Variants in DGKH observed in about 807,000 individuals in gnomAD.
DGKH encodes diacylglycerol kinase eta, also known as DAG kinase eta.
A neutral mutation model predicts 159.3 loss-of-function variants in DGKH; 90 were observed. The ratio of observed to expected loss-of-function variants is 0.57; its 90% CI spans 0.48 to 0.67. The LOEUF (loss-of-function observed/expected upper bound fraction) is 0.67. Ranked by LOEUF, DGKH falls within the 30% of genes least tolerant of loss-of-function variation. The probability of loss-of-function intolerance (pLI) is 0.00; values close to 1 mark genes in which losing one functional copy is unlikely to be tolerated. For synonymous variants in DGKH, 536 were observed against 553.8 expected, an observed-to-expected ratio of 0.97 and a Z score of 0.45; for missense variants, 1,181 against 1,506.1, an observed-to-expected ratio of 0.78 and a Z score of 3.57.
At chr13:42,185,046 G>A (rs538879806) in intron 13 of DGKH, among the ~76,000 whole-genome samples, 1 of 152,202 alleles carries the variant, frequency 6.6e-6, no homozygotes, top group South Asian at 2.1e-4. Context: ...TATAGTTGGA[G>A]AATATCTTTT....
At chr13:42,128,146 T>A (rs1433672092) in intron 2 of DGKH, among the ~76,000 whole-genome samples, 2 of 152,192 alleles carry the variant, frequency 1.3e-5, no homozygotes, top group African/African-American at 4.8e-5. Context: ...ACAAATCATA[T>A]TGAAATAAAA....
chr13:42,042,346 C>T (rs768933171), intron 1 of DGKH, among the ~76,000 whole-genome samples: 1 of 152,212 alleles, frequency 6.6e-6, no homozygotes, highest in Non-Finnish European at 1.5e-5. Flanking sequence ...CTTTAGGCTG[C>T]TGATGTCGGA....
Position 42,159,259 on chromosome 13 carries a change from T to TTTTTTTTTTC in DGKH, c.623-3_623-2insTTTTTCTTTT. ...AGCAGTTGCTCTTTTTTTTTTTTTT[T>TTTTTTTTTTC]TTTTAGTGTGTAAATTCAAGGCTCA... On this transcript the variant is annotated splice_polypyrimidine_tract_variant and splice_region_variant and intron_variant, in intron 5 of 29. Coordinates refer to ENST00000337343, the MANE Select transcript of DGKH (RefSeq NM_178009.5). 1 of 1,143,462 alleles carries TTTTTTTTTTC rather than the reference T, an allele frequency of 8.7e-7. No homozygotes were observed. Among genetic ancestry groups the TTTTTTTTTTC allele is most frequent in the Non-Finnish European group, 1.2e-6 (1 of 814,122 alleles). The allele number at this position is 1,143,462 out of a possible 1,614,324, so 70.8% of individuals were successfully genotyped here.
intron 3 of DGKH, among the ~76,000 whole-genome samples, chr13:42,143,769 A>G (rs1407372496): frequency 6.6e-6 from 1 of 151,662 alleles, no homozygotes; most frequent in East Asian, 1.9e-4. Flanking sequence ...TTTTTATTGT[A>G]TCTATTTGAT....
At chr13:42,162,928 G>T (rs969411545) in intron 7 of DGKH, among the ~76,000 whole-genome samples, 7 of 150,728 alleles carry the variant, frequency 4.6e-5, no homozygotes, top group African/African-American at 1.2e-4. Context: ...TAGTTACATA[G>T]GTATACATGT....
chr13:42,175,782 A>T (rs570274366), intron 12 of DGKH, among the ~76,000 whole-genome samples: 114 of 152,344 alleles, frequency 7.5e-4, no homozygotes, highest in African/African-American at 2.6e-3. Context: ...CTAGGCCCTG[A>T]ACTAGGCTGG....
At chr13:42,246,943 C>G (rs1958585153), downstream of DGKH, among the ~76,000 whole-genome samples, 1 of 152,076 alleles carries the variant, frequency 6.6e-6, no homozygotes. Context: ...TGCTTTATAA[C>G]TGTTTCAGAT....
chr13:42,192,449 A>G (rs1240422107), intron 16 of DGKH, among the ~76,000 whole-genome samples: 1 of 152,104 alleles, frequency 6.6e-6, no homozygotes, highest in East Asian at 1.9e-4. Context: ...ACTGGCCTTT[A>G]TGTAGTGTTT....
At chr13:42,211,060 A>C (rs147443167) in intron 24 of DGKH, among the ~76,000 whole-genome samples, 1 of 152,230 alleles carries the variant, frequency 6.6e-6, no homozygotes, top group Non-Finnish European at 1.5e-5. Flanking sequence ...GAATAAAAAG[A>C]CTTCAAAAAC....
chr13:42,114,044 C>T (rs1282622733), intron 1 of DGKH, among the ~76,000 whole-genome samples: 1 of 152,130 alleles, frequency 6.6e-6, no homozygotes, highest in Non-Finnish European at 1.5e-5. Flanking sequence ...TTCATTTACA[C>T]ATTTTGTAGG....
chr13:42,068,406 T>C (rs908682162), intron 1 of DGKH, among the ~76,000 whole-genome samples: 6 of 152,208 alleles, frequency 3.9e-5, no homozygotes, highest in African/African-American at 1.4e-4. Context: ...TGTGAAGCAC[T>C]ATGGGTGGTA....
At chr13:42,095,742 A>G (rs1053767239) in intron 1 of DGKH, among the ~76,000 whole-genome samples, 2 of 152,194 alleles carry the variant, frequency 1.3e-5, no homozygotes, top group African/African-American at 4.8e-5. Flanking sequence ...GCAGTATTTG[A>G]TTTGGTACCT....
chr13:42,164,334 A>G (rs536633618), intron 7 of DGKH, among the ~76,000 whole-genome samples: 1 of 152,270 alleles, frequency 6.6e-6, no homozygotes, highest in Non-Finnish European at 1.5e-5. Flanking sequence ...TACATTTTAA[A>G]ATTACTTTTA....
chr13:42,127,364 A>G (rs1391299727), intron 1 of DGKH, 99 bp from the exon 2 acceptor site: 1 of 833,084 alleles, frequency 1.2e-6, no homozygotes, highest in Non-Finnish European at 1.9e-6. Context: ...CATGAGAAAT[A>G]TTATTCAAAA....
chr13:42,215,521 A>T, intron 25 of DGKH, 54 bp from the exon 26 acceptor site: 1 of 1,303,032 alleles, frequency 7.7e-7, no homozygotes, highest in Non-Finnish European at 1.1e-6. Flanking sequence ...TGTTTATGGT[A>T]ATGAAATCCT....
intron 1 of DGKH, among the ~76,000 whole-genome samples, chr13:42,099,006 G>C (rs1216151086): frequency 6.6e-6 from 1 of 152,206 alleles, no homozygotes; most frequent in Non-Finnish European, 1.5e-5. Context: ...GCAATAGAAG[G>C]TCAGAGAGAG....
At chr13:42,053,452 A>G (rs1452820535) in intron 1 of DGKH, among the ~76,000 whole-genome samples, 1 of 146,016 alleles carries the variant, frequency 6.8e-6, no homozygotes, top group African/African-American at 2.5e-5. Context: ...ATAACTATAT[A>G]TATAACTATA....
At position 42,206,975 on chromosome 13, in the gene DGKH, T is replaced by TTTCC. The variant is rs1555275938; in HGVS notation, c.2601+831_2601+832insCCTT. Among the ~76,000 whole-genome samples the TTTCC allele has an allele frequency of 1.3e-3, 103 of 82,360 alleles. 1 individual carries two copies. The highest frequency in any genetic ancestry group is 1.7e-3 in the Non-Finnish European group (71 of 41,518). 54.0% of individuals were successfully genotyped at this position (82,360 alleles called of 152,430 possible). ...CACAATACCTTTTGGTACTTTTACT[T>TTTCC]TTTCTTTCTTTCTTTCTTTCTTTCT... On this transcript the variant is annotated intron_variant, in intron 21 of 29. Coordinates refer to ENST00000337343, the MANE Select transcript of DGKH (RefSeq NM_178009.5).
chr13:42,094,354 G>A (rs1187150714), intron 1 of DGKH, among the ~76,000 whole-genome samples: 1 of 152,130 alleles, frequency 6.6e-6, no homozygotes. Context: ...AGCTTTAAAA[G>A]GCAAACTTTG....
Sources: gnomAD v4.1 joint callset for allele counts (sites outside exome capture counted in the v4.1 genomes callset) on GRCh38, gnomAD v4.1.1 for gene constraint, MANE v1.5 for transcripts, NCBI Gene and HGNC (gene_info 2026-07-23, HGNC 2026-07-21) for gene names.